DCC: variants seen among roughly 807,000 people sequenced by gnomAD.
The protein encoded by DCC is netrin receptor DCC.
A neutral mutation model predicts 172.5 loss-of-function variants in DCC; 58 were observed. The ratio of observed to expected loss-of-function variants is 0.34; its 90% CI spans 0.27 to 0.42. The LOEUF is 0.42. Among genes scored for constraint, DCC ranks in the 10% least tolerant of loss-of-function variants. The pLI, the probability that DCC is intolerant of heterozygous loss-of-function variation, is 1.00. For synonymous variants in DCC, 709 were observed against 644.5 expected, an observed-to-expected ratio of 1.10 and a Z score of -1.52; for missense variants, 1,740 against 1,791.0, an observed-to-expected ratio of 0.97 and a Z score of 0.51.
intron 1 of DCC, among the ~76,000 whole-genome samples, chr18:52,655,557 A>G (rs897957181): frequency 6.6e-6 from 1 of 152,088 alleles, no homozygotes; most frequent in Non-Finnish European, 1.5e-5. Context: ...TACTTTGCCT[A>G]TTACTGAAAA....
chr18:53,193,873 A>G (rs1262495048), intron 9 of DCC, among the ~76,000 whole-genome samples: 1 of 152,200 alleles, frequency 6.6e-6, no homozygotes, highest in Non-Finnish European at 1.5e-5. Flanking sequence ...TTCATTATGT[A>G]GAAAAATCTG....
chr18:52,390,962 T>C (rs1986008578), intron 1 of DCC, among the ~76,000 whole-genome samples: 1 of 152,236 alleles, frequency 6.6e-6, no homozygotes, highest in Non-Finnish European at 1.5e-5. Flanking sequence ...AAAAGTCTTA[T>C]CATCTTCTTG....
intron 2 of DCC, among the ~76,000 whole-genome samples, chr18:52,891,714 C>T (rs1227490421): frequency 6.6e-6 from 1 of 152,092 alleles, no homozygotes; most frequent in Non-Finnish European, 1.5e-5. Context: ...CTTGACCCAT[C>T]CCTTTTCCTC....
At chr18:52,770,381 A>G (rs1193594348) in intron 2 of DCC, among the ~76,000 whole-genome samples, 3 of 152,192 alleles carry the variant, frequency 2.0e-5, no homozygotes, top group Admixed American at 6.5e-5. Context: ...TCTCTGAGCT[A>G]TCTGTTGAGT....
intron 1 of DCC, among the ~76,000 whole-genome samples, chr18:52,589,113 T>C (rs1211704301): frequency 6.6e-6 from 1 of 152,154 alleles, no homozygotes; most frequent in Non-Finnish European, 1.5e-5. Context: ...ATGTTGAAAA[T>C]AATGTGACTG....
intron 1 of DCC, among the ~76,000 whole-genome samples, chr18:52,719,316 C>A (rs1199724484): frequency 1.3e-5 from 2 of 151,826 alleles, no homozygotes; most frequent in Non-Finnish European, 2.9e-5. Flanking sequence ...AAACTATTGC[C>A]AACACCTTCT....
intron 2 of DCC, among the ~76,000 whole-genome samples, chr18:52,857,436 A>C (rs2039072646): frequency 6.6e-6 from 1 of 152,208 alleles, no homozygotes. Context: ...AATATGATGC[A>C]TATTTTCTTT....
At chr18:52,862,421 G>A (rs144812595) in intron 2 of DCC, among the ~76,000 whole-genome samples, 6 of 152,134 alleles carry the variant, frequency 3.9e-5, no homozygotes, top group East Asian at 3.9e-4. Flanking sequence ...AAAATATTCC[G>A]GCCGGGTGTT....
chr18:53,450,940 C>G (rs2045404262), intron 23 of DCC, among the ~76,000 whole-genome samples: 1 of 152,154 alleles, frequency 6.6e-6, no homozygotes, highest in African/African-American at 2.4e-5. Flanking sequence ...CGCAGGTGTT[C>G]CTTAGGTAAC....
intron 15 of DCC, 121 bp from the exon 16 acceptor site, chr18:53,385,922 C>T: frequency 1.4e-6 from 1 of 740,130 alleles, no homozygotes; most frequent in East Asian, 2.7e-5. Context: ...CCAACTCACT[C>T]ATTCTTAAAC....
At chr18:53,063,270 C>A in intron 5 of DCC, 35 bp from the exon 6 acceptor site, 1 of 1,610,336 alleles carries the variant, frequency 6.2e-7, no homozygotes, top group South Asian at 1.1e-5. Context: ...CACATCCCCA[C>A]CCACTCACTC....
chr18:52,885,384 C>T (rs1046165013), intron 2 of DCC, among the ~76,000 whole-genome samples: 1 of 152,026 alleles, frequency 6.6e-6, no homozygotes, highest in African/African-American at 2.4e-5. Flanking sequence ...AGAGTCATTC[C>T]CACTCTTCCC....
At chr18:53,080,815 T>A (rs1037706775) in intron 7 of DCC, among the ~76,000 whole-genome samples, 7 of 152,114 alleles carry the variant, frequency 4.6e-5, no homozygotes, top group African/African-American at 1.7e-4. Flanking sequence ...CTGTAAGTTA[T>A]TGGCATTGCT....
At chr18:52,666,139 C>A (rs1003195986) in intron 1 of DCC, among the ~76,000 whole-genome samples, 4 of 151,820 alleles carry the variant, frequency 2.6e-5, no homozygotes, top group African/African-American at 9.7e-5. Context: ...GAAAAAAATA[C>A]AAAATTAGCC....
chr18:52,723,875 G>A (rs571712676), intron 1 of DCC, among the ~76,000 whole-genome samples: 1 of 152,276 alleles, frequency 6.6e-6, no homozygotes, highest in African/African-American at 2.4e-5. Flanking sequence ...GGCATCCTAA[G>A]TGCTTGATCG....
At chr18:52,608,221 C>T (rs150405072) in intron 1 of DCC, among the ~76,000 whole-genome samples, 1 of 152,112 alleles carries the variant, frequency 6.6e-6, no homozygotes, top group Admixed American at 6.6e-5. Flanking sequence ...AGTAGGAGTT[C>T]CGTCCCACAA....
intron 12 of DCC, among the ~76,000 whole-genome samples, chr18:53,298,356 C>A (rs536208962): frequency 2.6e-4 from 40 of 151,664 alleles, no homozygotes; most frequent in Admixed American, 8.5e-4. Flanking sequence ...GACAACATGA[C>A]AAGACCCTGT....
At chr18:53,360,372 T>C (rs1476732289) in intron 15 of DCC, among the ~76,000 whole-genome samples, 5 of 152,132 alleles carry the variant, frequency 3.3e-5, no homozygotes, top group African/African-American at 1.2e-4. Context: ...ATTTACATAT[T>C]TTATTTAGTT....
chr18:52,508,025 T>C (rs1040313715), intron 1 of DCC, among the ~76,000 whole-genome samples: 2 of 151,800 alleles, frequency 1.3e-5, no homozygotes, highest in Admixed American at 6.6e-5. Context: ...TACTTGAACC[T>C]GGAAGCGGAG....
Sources: allele counts gnomAD v4.1 joint callset (sites outside exome capture counted in the v4.1 genomes callset), GRCh38; gene constraint gnomAD v4.1.1; transcripts MANE v1.5; gene names NCBI Gene and HGNC (gene_info 2026-07-23, HGNC 2026-07-21).